The following PLPP3 variants were observed in gnomAD, a reference collection of about 807,000 sequenced individuals.
The protein encoded by PLPP3 is PAP2 beta.
Under a neutral mutation model 29.6 loss-of-function variants are expected in PLPP3, and 6 were observed. That is an observed-to-expected ratio of 0.20 (90% confidence interval 0.11 to 0.40). The LOEUF (loss-of-function observed/expected upper bound fraction) is 0.40, where lower values mean the gene tolerates loss of function less well. PLPP3 is among the 10% of genes least tolerant of loss of function. The pLI, the probability that PLPP3 is intolerant of heterozygous loss-of-function variation, is 1.00. For missense variants in PLPP3, 308 were observed against 407.7 expected (o/e 0.76, Z 2.11); for synonymous variants, 152 against 159.7 (o/e 0.95, Z 0.36).
At chr1:56,507,220 G>A (rs1172057505) in intron 5 of PLPP3, among the ~76,000 whole-genome samples, 1 of 152,138 alleles carries the variant, frequency 6.6e-6, no homozygotes, top group East Asian at 1.9e-4. Context: ...CAGCATTCTA[G>A]GGTTAATGCA....
chr1:56,518,409 G>A (rs1645796477), intron 4 of PLPP3, among the ~76,000 whole-genome samples: 1 of 151,820 alleles, frequency 6.6e-6, no homozygotes, highest in Non-Finnish European at 1.5e-5. Context: ...GTTCTCCTGG[G>A]ACAGCACAGT....
chr1:56,496,755 A>C, intron 5 of PLPP3, 79 bp from the exon 6 acceptor site: 1 of 1,517,282 alleles, frequency 6.6e-7, no homozygotes, highest in African/African-American at 1.4e-5. Context: ...AGGTCAGAGG[A>C]GCGCAGACTT....
chr1:56,537,264 T>C, intron 1 of PLPP3, 152 bp from the exon 2 acceptor site: 1 of 900,362 alleles, frequency 1.1e-6, no homozygotes, highest in Non-Finnish European at 1.7e-6. Context: ...ATCTACTGCC[T>C]AGAGAGAGCT....
chr1:56,513,389 G>T, intron 4 of PLPP3: 1 of 152,824 alleles, frequency 6.5e-6, no homozygotes. Context: ...ACAAATCAAA[G>T]CACTTGGAGA....
intron 2 of PLPP3, among the ~76,000 whole-genome samples, chr1:56,530,342 C>T (rs890911953): frequency 1.2e-5 from 1 of 85,562 alleles, no homozygotes; most frequent in Non-Finnish European, 2.4e-5. Context: ...AAGGGCATCT[C>T]TCTGTCTCTC....
chr1:56,574,135 G>T (rs1003190122), intron 1 of PLPP3, among the ~76,000 whole-genome samples: 2 of 151,760 alleles, frequency 1.3e-5, no homozygotes, highest in Non-Finnish European at 2.9e-5. Flanking sequence ...GGGAGGCAGA[G>T]GTTGCAGCGA....
At chr1:56,567,662 G>T (rs1451407601) in intron 1 of PLPP3, among the ~76,000 whole-genome samples, 1 of 152,116 alleles carries the variant, frequency 6.6e-6, no homozygotes, top group East Asian at 1.9e-4. Flanking sequence ...CTCCCAAAGT[G>T]CTGGGATTAC....
intron 2 of PLPP3, among the ~76,000 whole-genome samples, chr1:56,535,745 A>G (rs1557506480): frequency 1.3e-5 from 2 of 152,154 alleles, no homozygotes; most frequent in Non-Finnish European, 2.9e-5. Flanking sequence ...TAAAGAAGCT[A>G]CTTTAGCATT....
intron 1 of PLPP3, among the ~76,000 whole-genome samples, chr1:56,548,668 T>C (rs1461156869): frequency 6.6e-6 from 1 of 152,112 alleles, no homozygotes; most frequent in Non-Finnish European, 1.5e-5. Flanking sequence ...CCCCTAAAAA[T>C]GCATACTCTG....
Position 56,504,037 on chromosome 1 carries a change from G to A in PLPP3, c.811-7361C>T, listed in dbSNP as rs141948293. Among the ~76,000 whole-genome samples the A allele has an allele frequency of 5.7e-3, 871 of 152,278 alleles. 9 individuals carry two copies. Among genetic ancestry groups the A allele is most frequent in the African/African-American group, 0.013 (556 of 41,552 alleles). ...TCCACCCACCTTGGCCTCCTAAAGC[G>A]CTGGGATTACAGGTGTAAGCCACTA... On this transcript the variant is annotated intron_variant, in intron 5 of 5. Transcript: ENST00000371250.
chr1:56,538,653 TC>T, intron 1 of PLPP3: 1 of 307,852 alleles, frequency 3.2e-6, no homozygotes, highest in Middle Eastern at 4.3e-4. Flanking sequence ...TCTGCAGTGT[TC>T]CCCAGCATGC....
chr1:56,564,122 T>G (rs954073343), intron 1 of PLPP3, among the ~76,000 whole-genome samples: 1 of 152,202 alleles, frequency 6.6e-6, no homozygotes, highest in African/African-American at 2.4e-5. Flanking sequence ...AGGTGTTGGT[T>G]GGGTCATAGC....
chr1:56,561,360 T>G (rs1437139422), intron 1 of PLPP3, among the ~76,000 whole-genome samples: 1 of 152,080 alleles, frequency 6.6e-6, no homozygotes, highest in African/African-American at 2.4e-5. Context: ...ATATTCTCAA[T>G]TCTCTCAGGT....
At position 56,523,896 on chromosome 1, in the gene PLPP3, A is replaced by T. The variant is rs1645835291; in HGVS notation, c.576-16T>A. The T allele has an allele frequency of 6.2e-7, 1 of 1,612,746 alleles. No individual in the cohort carries two copies. The highest frequency in any genetic ancestry group is 1.3e-5 in the African/African-American group (1 of 74,860). On this transcript the variant is annotated splice_polypyrimidine_tract_variant and intron_variant, in intron 3 of 5. Transcript: ENST00000371250. ...GAAGGACTTCCTGCAAGAGCAAGAGAGGGCCATGAAAGGGCCGTATTCACA... is the reference window on the plus strand; with the variant it reads ...GAAGGACTTCCTGCAAGAGCAAGAGTGGGCCATGAAAGGGCCGTATTCACA...
At chr1:56,544,130 T>C (rs1645990648) in intron 1 of PLPP3, among the ~76,000 whole-genome samples, 4 of 152,260 alleles carry the variant, frequency 2.6e-5, no homozygotes, top group Non-Finnish European at 2.9e-5. Flanking sequence ...GAACTTTGGA[T>C]GTCCTTTCTT....
chr1:56,534,575 C>G (rs1645911936), intron 2 of PLPP3, among the ~76,000 whole-genome samples: 2 of 152,182 alleles, frequency 1.3e-5, no homozygotes, highest in East Asian at 3.9e-4. Context: ...GGCCCCTCCA[C>G]CCTCCACGTC....
In PLPP3 at chr1:56,557,028, G is replaced by GAGAGAGAA. The variant is rs1557513651; in HGVS notation, c.140-19917_140-19916insTTCTCTCT. The stretch of plus-strand genomic sequence containing the variant: ...AAAGAAAGAGAGAGAGAGAGAGAAA[G>GAGAGAGAA]AGAGAGAGAGAGAGAGAGAGAGAGA... On this transcript the variant is annotated intron_variant, in intron 1 of 5. Transcript: ENST00000371250. 3.9e-3 allele frequency among the ~76,000 whole-genome samples: 46 copies of GAGAGAGAA among 11,706 alleles called. 1 individual carries two copies. The highest frequency in any genetic ancestry group is 9.9e-3 in the Non-Finnish European group (40 of 4,028). The allele number at this position is 11,706 out of a possible 152,430, so 7.7% of individuals were successfully genotyped here.
At chr1:56,546,871 T>C (rs536657839) in intron 1 of PLPP3, among the ~76,000 whole-genome samples, 1 of 152,348 alleles carries the variant, frequency 6.6e-6, no homozygotes, top group Admixed American at 6.5e-5. Context: ...CTCTATGTGA[T>C]ACTAAATGGG....
At chr1:56,533,943 T>C (rs1442104037) in intron 2 of PLPP3, among the ~76,000 whole-genome samples, 3 of 152,202 alleles carry the variant, frequency 2.0e-5, no homozygotes, top group African/African-American at 4.8e-5. Flanking sequence ...AGGTAGCATT[T>C]TTATGGCTAG....
Sources: gnomAD v4.1 joint callset for allele counts (sites outside exome capture counted in the v4.1 genomes callset) on GRCh38, gnomAD v4.1.1 for gene constraint, MANE v1.5 for transcripts, NCBI Gene and HGNC (gene_info 2026-07-23, HGNC 2026-07-21) for gene names.